Variants in CSMD1 observed in about 807,000 individuals in gnomAD.
CSMD1 encodes CUB and Sushi multiple domains 1, also known as CUB and sushi domain-containing protein 1.
Under a neutral mutation model 417.5 loss-of-function variants are expected in CSMD1, and 213 were observed. That is an observed-to-expected ratio of 0.51 (90% CI 0.46 to 0.57). The LOEUF (loss-of-function observed/expected upper bound fraction) is 0.57. CSMD1 is among the 20% of genes least tolerant of loss of function. CSMD1 has a pLI of 0.00. For missense variants in CSMD1, 6,923 were observed against 4,529.7 expected, an observed-to-expected ratio of 1.53 and a Z score of -15.17; for synonymous variants, 2,862 against 1,736.8, an observed-to-expected ratio of 1.65 and a Z score of -16.11.
At chr8:4,310,735 G>C (rs10086665) in intron 3 of CSMD1, among the ~76,000 whole-genome samples, 25,827 of 152,090 alleles carry the variant, frequency 0.17, 4,297 homozygotes, top group African/African-American at 0.43. Flanking sequence ...ACCATGGAGA[G>C]AGTAGCTCCA....
chr8:3,886,937 T>C (rs1242070698), intron 5 of CSMD1, among the ~76,000 whole-genome samples: 1 of 152,180 alleles, frequency 6.6e-6, no homozygotes, highest in East Asian at 1.9e-4. Flanking sequence ...ACTCAGGTCA[T>C]TTTTCAGTGA....
rs983840859 is a variant in CSMD1, at chr8:3,853,609, AAAG to A, written c.819-99570_819-99568del. On this transcript the variant is annotated intron_variant, in intron 5 of 69. Coordinates refer to ENST00000635120, the MANE Select transcript of CSMD1 (RefSeq NM_033225.6). ...AATAAAAAAGAAGGCACTTATGAAA[AAAG>A]AAGGAGACCTTGTGCCCCTGTGAGC... 4.6e-5 allele frequency among the ~76,000 whole-genome samples: 7 copies of A among 152,030 alleles called. No homozygotes were observed. The South Asian group carries it at 6.2e-4, about 13-fold the overall frequency.
chr8:3,709,680 G>GGCTTTTT lies in CSMD1; in HGVS notation c.932-1190_932-1189insAAAAAGC, dbSNP rs1554518393. On this transcript the variant is annotated intron_variant, in intron 6 of 69. Coordinates refer to ENST00000635120, the MANE Select transcript of CSMD1 (RefSeq NM_033225.6). ...GATGGGCTTTAAATTGCAGCAGCATGTTTTTTTTTTTTTTTTTTTTTTTTT... is the reference window on the plus strand; with the variant it reads ...GATGGGCTTTAAATTGCAGCAGCATGGCTTTTTTTTTTTTTTTTTTTTTTTTTTTTTT... 1.1e-3 allele frequency among the ~76,000 whole-genome samples: 36 copies of GGCTTTTT among 33,694 alleles called. 2 individuals carry two copies. The highest frequency in any genetic ancestry group is 0.016 in the Middle Eastern group (1 of 62). 22.1% of individuals were successfully genotyped at this position (33,694 alleles called of 152,430 possible).
intron 1 of CSMD1, among the ~76,000 whole-genome samples, chr8:4,689,398 G>C (rs1283672715): frequency 6.6e-6 from 1 of 152,076 alleles, no homozygotes; most frequent in African/African-American, 2.4e-5. Context: ...ATCTAAAATT[G>C]TCTATATGTT....
chr8:3,093,205 G>A (rs1815067684), intron 47 of CSMD1, among the ~76,000 whole-genome samples: 1 of 152,138 alleles, frequency 6.6e-6, no homozygotes, highest in African/African-American at 2.4e-5. Flanking sequence ...AGTATGGGTG[G>A]GTCCTGATCT....
chr8:4,352,336 C>G (rs977992785), intron 3 of CSMD1, among the ~76,000 whole-genome samples: 1 of 152,114 alleles, frequency 6.6e-6, no homozygotes, highest in Non-Finnish European at 1.5e-5. Flanking sequence ...AATTAAAATT[C>G]AACATTTAGA....
intron 5 of CSMD1, among the ~76,000 whole-genome samples, chr8:3,874,021 G>A (rs931370860): frequency 2.0e-5 from 3 of 152,152 alleles, no homozygotes; most frequent in African/African-American, 7.2e-5. Context: ...GAACTTCTCT[G>A]TCAAATTAGC....
chr8:4,356,141 G>T (rs1057300728), intron 3 of CSMD1, among the ~76,000 whole-genome samples: 6 of 152,094 alleles, frequency 3.9e-5, no homozygotes, highest in African/African-American at 1.2e-4. Context: ...AAAGTCCATT[G>T]TATCTTTCTT....
At chr8:4,145,595 C>A (rs1804063163) in intron 3 of CSMD1, among the ~76,000 whole-genome samples, 1 of 150,948 alleles carries the variant, frequency 6.6e-6, no homozygotes, top group Non-Finnish European at 1.5e-5. Flanking sequence ...CACCATGTTG[C>A]ATGGGCTAGT....
intron 37 of CSMD1, among the ~76,000 whole-genome samples, chr8:3,164,856 A>T (rs770982728): frequency 6.6e-6 from 1 of 152,176 alleles, no homozygotes; most frequent in Non-Finnish European, 1.5e-5. Context: ...TTTTACCCAT[A>T]AGATATGATG....
chr8:4,840,287 T>C (rs546596209), intron 1 of CSMD1, among the ~76,000 whole-genome samples: 2 of 80,126 alleles, frequency 2.5e-5, no homozygotes, highest in East Asian at 9.0e-4. Flanking sequence ...TAAGATGTTT[T>C]GCTACTGTTA....
At chr8:4,237,341 T>C (rs1802127737) in intron 3 of CSMD1, among the ~76,000 whole-genome samples, 1 of 152,024 alleles carries the variant, frequency 6.6e-6, no homozygotes, top group Admixed American at 6.5e-5. Flanking sequence ...AAACTAATCC[T>C]TCAACAGAAA....
intron 5 of CSMD1, among the ~76,000 whole-genome samples, chr8:3,992,010 G>A (rs371635056): frequency 1.3e-5 from 2 of 151,830 alleles, no homozygotes; most frequent in East Asian, 3.9e-4. Context: ...ACATAGAAAT[G>A]GCATTTTAAT....
chr8:3,926,110 CA>C (rs1242515310), intron 5 of CSMD1, among the ~76,000 whole-genome samples: 1 of 79,248 alleles, frequency 1.3e-5, no homozygotes, highest in Non-Finnish European at 2.5e-5. Flanking sequence ...CACACACACA[CA>C]CACACACACA....
At chr8:4,424,316 T>C (rs971094624) in intron 2 of CSMD1, among the ~76,000 whole-genome samples, 1 of 151,906 alleles carries the variant, frequency 6.6e-6, no homozygotes, top group African/African-American at 2.4e-5. Flanking sequence ...GTATCTAGAA[T>C]ATACCATGAA....
At chr8:4,063,579 C>T (rs963703560) in intron 3 of CSMD1, among the ~76,000 whole-genome samples, 3 of 152,114 alleles carry the variant, frequency 2.0e-5, no homozygotes, top group African/African-American at 7.2e-5. Flanking sequence ...AAGCAATATT[C>T]CTTGGCACTG....
At chr8:3,711,971 C>T (rs73185362) in intron 6 of CSMD1, among the ~76,000 whole-genome samples, 50,144 of 151,964 alleles carry the variant, frequency 0.33, 8,435 homozygotes, top group East Asian at 0.49. Flanking sequence ...TCAAGGTATG[C>T]GAATAGACAG....
At chr8:4,973,562 A>C (rs1246262263) in intron 1 of CSMD1, among the ~76,000 whole-genome samples, 1 of 152,198 alleles carries the variant, frequency 6.6e-6, no homozygotes, top group Non-Finnish European at 1.5e-5. Flanking sequence ...TAAAGACTCA[A>C]AAACATCTCT....
chr8:4,194,595 G>C (rs951175345), intron 3 of CSMD1, among the ~76,000 whole-genome samples: 3 of 151,936 alleles, frequency 2.0e-5, no homozygotes, highest in Non-Finnish European at 4.4e-5. Context: ...TTTCCCCTTT[G>C]ACATTAATTT....
Sources: gnomAD v4.1 joint callset for allele counts (sites outside exome capture counted in the v4.1 genomes callset) on GRCh38, gnomAD v4.1.1 for gene constraint, MANE v1.5 for transcripts, NCBI Gene and HGNC (gene_info 2026-07-23, HGNC 2026-07-21) for gene names.